Variants in CCNJL observed in about 807,000 individuals in gnomAD.
CCNJL encodes cyclin J like.
In CCNJL, 33 loss-of-function variants were observed where a neutral mutation model predicts 33.4. That is an observed-to-expected ratio of 0.99 (90% CI 0.75 to 1.32). The LOEUF (loss-of-function observed/expected upper bound fraction) is 1.32. Among genes scored for constraint, CCNJL ranks in the 40% most tolerant of loss-of-function variants. The pLI is 0.00. For synonymous variants in CCNJL, 227 were observed against 220.9 expected, an observed-to-expected ratio of 1.03 and a Z score of -0.24; for missense variants, 512 against 499.7, an observed-to-expected ratio of 1.02 and a Z score of -0.23.
chr5:160,324,441 C>T (rs1213716595), intron 1 of CCNJL, among the ~76,000 whole-genome samples: 3 of 152,052 alleles, frequency 2.0e-5, no homozygotes, highest in African/African-American at 7.2e-5. Flanking sequence ...GGCGTGGTGG[C>T]GGGCACCTGT....
Position 160,276,415 on chromosome 5 carries a change from CA to C in CCNJL, c.280+4109del, listed in dbSNP as rs571637284. On this transcript the variant is annotated intron_variant, in intron 3 of 5. Coordinates refer to ENST00000257536, the MANE Select transcript of CCNJL (RefSeq NM_001308173.3). ...GGGCGATAAGAGCGAAACTCCGTCT[CA>C]AAAAAAAAAAAGAAAAAGAAAAAAA... 296 of 86,546 alleles carry C rather than the reference CA, an allele frequency of 3.4e-3. 1 individual carries two copies. Among genetic ancestry groups the C allele is most frequent in the African/African-American group, 8.7e-3 (206 of 23,586 alleles). The allele number at this position is 86,546 out of a possible 1,614,324, so 5.4% of individuals were successfully genotyped here. A position where few individuals can be genotyped will look rare whatever the true frequency, so the allele number is the denominator to read the frequency against.
intron 2 of CCNJL, among the ~76,000 whole-genome samples, chr5:160,289,950 T>C (rs896524807): frequency 6.6e-6 from 1 of 152,200 alleles, no homozygotes; most frequent in Non-Finnish European, 1.5e-5. Context: ...GGGCAGAGAC[T>C]GCCCCCAAGA....
At chr5:160,320,827 T>TTC (rs1365491820) in intron 1 of CCNJL, among the ~76,000 whole-genome samples, 35 of 122,396 alleles carry the variant, frequency 2.9e-4, no homozygotes, top group African/African-American at 9.8e-4. Context: ...CTTTCTTTCT[T>TTC]TCTTTCTTTC....
At chr5:160,285,404 C>T (rs1420830196) in intron 2 of CCNJL, among the ~76,000 whole-genome samples, 1 of 150,690 alleles carries the variant, frequency 6.6e-6, no homozygotes, top group African/African-American at 2.4e-5. Context: ...GGTTAGGTGC[C>T]CAATAACTAA....
At position 160,331,514 on chromosome 5, in the gene CCNJL, G is replaced by A. The variant is rs1053589957; in HGVS notation, n.206+7931C>T. On this transcript the variant is annotated intron_variant and non_coding_transcript_variant, in intron 1 of 7. Transcript: ENST00000377503. ...CCTGGGATTACAGGCGTGAGCCACC[G>A]TGCCCAGCCCGAAGCCCTGGATCTT... Among the ~76,000 whole-genome samples, 10 of 152,168 alleles carry A rather than the reference G, an allele frequency of 6.6e-5. 1 individual carries two copies. The highest frequency in any genetic ancestry group is 2.1e-4 in the South Asian group (1 of 4,818).
At position 160,249,432 on chromosome 5, in the gene CCNJL, TTC is replaced by T. The variant is rs1167177492; in HGVS notation, c.*3944_*3945del. On this transcript the variant is annotated 3_prime_UTR_variant, in exon 6 of 6. Coordinates refer to ENST00000257536, the MANE Select transcript of CCNJL (RefSeq NM_001308173.3). ...GTAATTTCTGTGTACTTTGAGATAA[TTC>T]TGTTAAATTCATATAGACGTCAGAA... The T allele has an allele frequency of 6.6e-6, 1 of 152,194 alleles. No homozygotes were observed. Among genetic ancestry groups the T allele is most frequent in the African/African-American group, 2.4e-5 (1 of 41,448 alleles). The allele number at this position is 152,194 out of a possible 1,614,324, so 9.4% of individuals were successfully genotyped here.
chr5:160,325,522 A>G (rs1036314070), intron 1 of CCNJL, among the ~76,000 whole-genome samples: 1 of 152,228 alleles, frequency 6.6e-6, no homozygotes, highest in African/African-American at 2.4e-5. Context: ...CCAGCTGAGC[A>G]CCGTCTCCTC....
intron 2 of CCNJL, among the ~76,000 whole-genome samples, chr5:160,296,977 C>T (rs184669721): frequency 2.6e-5 from 4 of 152,224 alleles, no homozygotes; most frequent in Admixed American, 2.6e-4. Flanking sequence ...CTTTGCATGT[C>T]CCATCTGTAA....
chr5:160,283,504 T>C (rs1003722171), intron 2 of CCNJL, among the ~76,000 whole-genome samples: 2 of 152,334 alleles, frequency 1.3e-5, no homozygotes, highest in Non-Finnish European at 1.5e-5. Flanking sequence ...TGTGGGTACA[T>C]AGTAGGTATA....
intron 5 of CCNJL, chr5:160,254,211 T>A (rs994593279): frequency 1.9e-6 from 1 of 521,192 alleles, no homozygotes; most frequent in African/African-American, 2.0e-5. Context: ...GGGGCCTGAA[T>A]GAGCCCAATC....
At chr5:160,306,638 G>C (rs1763105950) in intron 2 of CCNJL, among the ~76,000 whole-genome samples, 1 of 152,200 alleles carries the variant, frequency 6.6e-6, no homozygotes, top group South Asian at 2.1e-4. Flanking sequence ...GAAGCCTTAA[G>C]TCACAGTGGT....
intron 3 of CCNJL, chr5:160,276,454 T>C (rs1434767320): frequency 1.3e-5 from 2 of 150,542 alleles, no homozygotes; most frequent in Admixed American, 1.3e-4. Flanking sequence ...AGAAATGAAG[T>C]ACTGATACAT....
intron 2 of CCNJL, among the ~76,000 whole-genome samples, chr5:160,296,920 T>C (rs1002518290): frequency 5.3e-5 from 8 of 152,168 alleles, no homozygotes; most frequent in African/African-American, 1.9e-4. Flanking sequence ...TGGAGCCAGG[T>C]TGCCTACTAG....
chr5:160,334,788 G>T (rs1763662483), intron 1 of CCNJL, among the ~76,000 whole-genome samples: 2 of 152,242 alleles, frequency 1.3e-5, no homozygotes, highest in South Asian at 4.1e-4. Flanking sequence ...TGGAGGGTTT[G>T]TTAAGAACAG....
rs369251155 is a variant in CCNJL at position 160,279,196 on chromosome 5, T to C, written c.280+1329A>G. ...CAGGAGAAAGTGGGTGCCATAGTCC[T>C]GCAGCACCAAGCAGGATGAAGGATG... On this transcript the variant is annotated intron_variant, in intron 3 of 5. Coordinates refer to ENST00000257536, the MANE Select transcript of CCNJL (RefSeq NM_001308173.3). 4.6e-5 allele frequency among the ~76,000 whole-genome samples: 7 copies of C among 152,250 alleles called. No individual in the cohort carries two copies. The East Asian group carries it at 1.2e-3, about 25-fold the overall frequency.
intron 3 of CCNJL, among the ~76,000 whole-genome samples, chr5:160,268,989 G>T (rs1308642408): frequency 1.3e-5 from 2 of 152,248 alleles, no homozygotes; most frequent in Non-Finnish European, 2.9e-5. Context: ...TGGAAGGACG[G>T]ATGGATGAAA....
intron 3 of CCNJL, among the ~76,000 whole-genome samples, chr5:160,273,596 C>A (rs962050720): frequency 6.6e-6 from 1 of 150,638 alleles, no homozygotes; most frequent in African/African-American, 2.4e-5. Context: ...CCATATGGGA[C>A]ACACAGCTCT....
intron 3 of CCNJL, among the ~76,000 whole-genome samples, chr5:160,275,994 G>GC (rs1761994583): frequency 6.6e-6 from 1 of 152,216 alleles, no homozygotes; most frequent in Admixed American, 6.5e-5. Context: ...AATATTCACT[G>GC]CAGCGCTGTT....
chr5:160,258,421 A>G (rs1163960855), intron 4 of CCNJL: 20 of 904,540 alleles, frequency 2.2e-5, no homozygotes, highest in Non-Finnish European at 1.9e-6. Context: ...GAACCTTTAT[A>G]ATGACAGGAT....
Sources: allele counts gnomAD v4.1 joint callset (sites outside exome capture counted in the v4.1 genomes callset), GRCh38; gene constraint gnomAD v4.1.1; transcripts MANE v1.5; gene names NCBI Gene and HGNC (gene_info 2026-07-23, HGNC 2026-07-21).